IQGAP2: variants seen among roughly 807,000 people sequenced by gnomAD.
The protein encoded by IQGAP2 is IQ motif containing GTPase activating protein 2, also known as ras GTPase-activating-like protein IQGAP2.
In IQGAP2, 173 loss-of-function variants were observed where a neutral mutation model predicts 201.3. That is an observed-to-expected ratio of 0.86 (90% CI 0.76 to 0.98). The LOEUF is 0.98. IQGAP2 is among the 50% of genes least tolerant of loss of function. IQGAP2 has a pLI of 0.00. For synonymous variants in IQGAP2, 675 were observed against 673.9 expected (o/e 1.00, Z -0.03); for missense variants, 1,687 against 1,864.8 (o/e 0.90, Z 1.76).
chr5:76,671,717 C>G, intron 23 of IQGAP2, 42 bp from the exon 24 acceptor site: 2 of 1,331,634 alleles, frequency 1.5e-6, no homozygotes, highest in Non-Finnish European at 2.1e-6. Context: ...AAATCTGTAT[C>G]CATGGAAGCA....
intron 14 of IQGAP2, among the ~76,000 whole-genome samples, chr5:76,629,396 A>G (rs1315907362): frequency 6.6e-6 from 1 of 152,188 alleles, no homozygotes; most frequent in African/African-American, 2.4e-5. Flanking sequence ...GTTGGCCCAA[A>G]TATGTTACCA....
chr5:76,618,134 G>A lies in IQGAP2; in HGVS notation c.1521+6951G>A, dbSNP rs114654135. The A allele has an allele frequency of 5.4e-4, 877 of 1,614,152 alleles. 6 individuals carry two copies. The African/African-American group carries it at 0.011, about 19-fold the overall frequency. ...TGAAAGGATGGACGATGGCCAGGTA[G>A]CGGTTGATGCTGATGCAGGCAAGGA... is the stretch of plus-strand genomic sequence containing the variant. On this transcript the variant is annotated intron_variant, in intron 13 of 35. Coordinates refer to ENST00000274364, the MANE Select transcript of IQGAP2 (RefSeq NM_006633.5).
At chr5:76,470,304 C>A (rs1755033698) in intron 2 of IQGAP2, among the ~76,000 whole-genome samples, 1 of 152,130 alleles carries the variant, frequency 6.6e-6, no homozygotes, top group East Asian at 1.9e-4. Flanking sequence ...GTATCCTATT[C>A]ATTAGAATCG....
At chr5:76,675,787 T>C (rs1043521822) in intron 27 of IQGAP2, among the ~76,000 whole-genome samples, 21 of 152,194 alleles carry the variant, frequency 1.4e-4, no homozygotes, top group African/African-American at 4.8e-4. Context: ...ATTTGTGGTC[T>C]TTTGTGAGAA....
At chr5:76,541,942 G>A (rs1227871403) in intron 2 of IQGAP2, among the ~76,000 whole-genome samples, 1 of 152,194 alleles carries the variant, frequency 6.6e-6, no homozygotes, top group Non-Finnish European at 1.5e-5. Flanking sequence ...AGTTTTAGAT[G>A]TATTTGATTC....
At chr5:76,660,339 TA>T (rs1203085246) in intron 21 of IQGAP2, 1 of 152,268 alleles carries the variant, frequency 6.6e-6, no homozygotes, top group East Asian at 1.9e-4. Context: ...CATTTAACTC[TA>T]CTTTTATTAT....
chr5:76,684,991 A>T (rs547188536), intron 30 of IQGAP2, among the ~76,000 whole-genome samples: 4 of 152,230 alleles, frequency 2.6e-5, no homozygotes, highest in Non-Finnish European at 5.9e-5. Context: ...ATGCTTGACT[A>T]CCTACTCTGT....
intron 1 of IQGAP2, among the ~76,000 whole-genome samples, chr5:76,424,364 A>G (rs1048334183): frequency 6.6e-6 from 1 of 151,900 alleles, no homozygotes; most frequent in African/African-American, 2.4e-5. Flanking sequence ...CTGGAGTGCA[A>G]TGGCACGATC....
chr5:76,666,269 A>G (rs1489981500), intron 22 of IQGAP2, among the ~76,000 whole-genome samples: 4 of 152,220 alleles, frequency 2.6e-5, no homozygotes, highest in Non-Finnish European at 4.4e-5. Flanking sequence ...CCACTGTTTC[A>G]CGCCAGCAAA....
intron 19 of IQGAP2, 42 bp from the exon 20 acceptor site, chr5:76,654,892 G>T (rs1315205738): frequency 3.1e-6 from 4 of 1,300,190 alleles, no homozygotes; most frequent in South Asian, 1.2e-5. Flanking sequence ...GATGGAGTAG[G>T]TGGGACTCTG....
intron 2 of IQGAP2, among the ~76,000 whole-genome samples, chr5:76,463,503 G>GA (rs1165095906): frequency 6.6e-6 from 1 of 152,204 alleles, no homozygotes; most frequent in Non-Finnish European, 1.5e-5. Context: ...TAAAGAAGGT[G>GA]AAAGTATTCT....
intron 30 of IQGAP2, among the ~76,000 whole-genome samples, chr5:76,684,616 A>G (rs1448450178): frequency 6.6e-6 from 1 of 152,230 alleles, no homozygotes; most frequent in African/African-American, 2.4e-5. Flanking sequence ...CCAAGAATGC[A>G]TATCAGTACA....
At chr5:76,653,596 TA>T (rs2150432816) in intron 18 of IQGAP2, among the ~76,000 whole-genome samples, 1 of 152,230 alleles carries the variant, frequency 6.6e-6, no homozygotes, top group African/African-American at 2.4e-5. Flanking sequence ...ATTTGTATTT[TA>T]AAAAATAATA....
At chr5:76,566,128 A>G (rs531854873) in intron 3 of IQGAP2, among the ~76,000 whole-genome samples, 25 of 152,286 alleles carry the variant, frequency 1.6e-4, no homozygotes, top group Non-Finnish European at 3.2e-4. Flanking sequence ...GACCCATTGC[A>G]TGTCAGGCAC....
At chr5:76,627,868 G>T (rs1157974180) in intron 14 of IQGAP2, among the ~76,000 whole-genome samples, 1 of 152,114 alleles carries the variant, frequency 6.6e-6, no homozygotes, top group Non-Finnish European at 1.5e-5. Flanking sequence ...CACAGAAACA[G>T]AACCAATAGG....
intron 1 of IQGAP2, among the ~76,000 whole-genome samples, chr5:76,404,762 C>CT (rs1324229289): frequency 6.6e-6 from 1 of 152,216 alleles, no homozygotes; most frequent in Admixed American, 6.5e-5. Flanking sequence ...CCTCTGTACT[C>CT]TAATGCATTC....
chr5:76,671,542 C>T (rs189624029), intron 23 of IQGAP2, among the ~76,000 whole-genome samples: 226 of 151,778 alleles, frequency 1.5e-3, no homozygotes, highest in African/African-American at 4.8e-3. Context: ...AAAGTAGCCC[C>T]GGGCATGTGG....
At chr5:76,576,913 C>A (rs997081350) in intron 5 of IQGAP2, among the ~76,000 whole-genome samples, 3 of 152,136 alleles carry the variant, frequency 2.0e-5, no homozygotes, top group Non-Finnish European at 4.4e-5. Context: ...ATCATTATGC[C>A]ACAGGTTTTC....
chr5:76,704,807 T>C (rs923137843), intron 35 of IQGAP2, among the ~76,000 whole-genome samples: 1 of 152,206 alleles, frequency 6.6e-6, no homozygotes, highest in Non-Finnish European at 1.5e-5. Flanking sequence ...GTCAATTGCA[T>C]GAATGTGTAA....
Sources: gnomAD v4.1 joint callset for allele counts (sites outside exome capture counted in the v4.1 genomes callset) on GRCh38, gnomAD v4.1.1 for gene constraint, MANE v1.5 for transcripts, NCBI Gene and HGNC (gene_info 2026-07-23, HGNC 2026-07-21) for gene names.